Variants in ITPK1 observed in about 807,000 individuals in gnomAD.
ITPK1 encodes the protein inositol-tetrakisphosphate 1-kinase, also known as inositol 1,3,4-trisphosphate 5/6-kinase.
ITPK1 carries 21 observed loss-of-function variants against 45.3 expected under a neutral mutation model. That is an observed-to-expected ratio of 0.46 (90% CI 0.33 to 0.67). The LOEUF is 0.67. ITPK1 is among the 30% of genes least tolerant of loss of function. The pLI is 0.02. For missense variants in ITPK1, 474 were observed against 573.5 expected, an observed-to-expected ratio of 0.83 and a Z score of 1.77; for synonymous variants, 258 against 253.6, an observed-to-expected ratio of 1.02 and a Z score of -0.16.
At chr14:93,046,072 C>G (rs1889759878) in intron 3 of ITPK1, among the ~76,000 whole-genome samples, 1 of 152,340 alleles carries the variant, frequency 6.6e-6, no homozygotes, top group East Asian at 1.9e-4. Context: ...CCCATCCCCA[C>G]CCCACGCTCT....
At chr14:93,004,387 T>C (rs952920024) in intron 4 of ITPK1, among the ~76,000 whole-genome samples, 4 of 152,202 alleles carry the variant, frequency 2.6e-5, no homozygotes, top group African/African-American at 9.7e-5. Flanking sequence ...TTGGGAGAGT[T>C]GAGCTCCCCC....
At chr14:93,045,343 TC>T (rs1459937012) in intron 3 of ITPK1, among the ~76,000 whole-genome samples, 1 of 152,076 alleles carries the variant, frequency 6.6e-6, no homozygotes, top group African/African-American at 2.4e-5. Context: ...TTAATTCAAC[TC>T]CCCTGGTGAC....
chr14:93,107,938 T>A (rs1892589829), intron 2 of ITPK1, among the ~76,000 whole-genome samples: 1 of 152,186 alleles, frequency 6.6e-6, no homozygotes, highest in Admixed American at 6.5e-5. Flanking sequence ...GCCTGGCCAC[T>A]CTAATACACA....
Position 92,941,854 on chromosome 14 carries a change from T to C in ITPK1, c.952A>G (p.Thr318Ala), listed in dbSNP as rs1455517058. 1 of 1,612,462 alleles carries C rather than the reference T, an allele frequency of 6.2e-7. No homozygotes were observed. Among genetic ancestry groups the C allele is most frequent in the Admixed American group, 1.7e-5 (1 of 59,982 alleles). ...GCTGTGCTCTGGCCCTGCAGGACAGTGGCGATGTGGTTCAGGAGGTCTGTG... is the reference window on the plus strand; with the variant it reads ...GCTGTGCTCTGGCCCTGCAGGACAGCGGCGATGTGGTTCAGGAGGTCTGTG... ...FFTDLLNHIA[T>A]VLQGQSTAMA... The change falls in exon 11 of 11, where the codon ACT becomes GCT. Residue 318 changes from threonine to alanine, a missense_variant. Thr to Ala is a moderately conservative substitution (Grantham distance 58). This residue lies in a region of ITPK1 where 367 missense variants were observed against 480.6 expected (regional missense o/e 0.76). Transcript: ENST00000267615.
At chr14:92,973,831 TC>T (rs1017596486) in intron 5 of ITPK1, among the ~76,000 whole-genome samples, 1 of 152,022 alleles carries the variant, frequency 6.6e-6, no homozygotes, top group Non-Finnish European at 1.5e-5. Flanking sequence ...ACAGAGGTGG[TC>T]CCAATCTGAA....
intron 8 of ITPK1, among the ~76,000 whole-genome samples, chr14:92,955,366 T>C (rs75898957): frequency 1.3e-5 from 2 of 152,144 alleles, no homozygotes; most frequent in East Asian, 3.9e-4. Flanking sequence ...GAAACAAGGC[T>C]CAAGCTGGAG....
chr14:93,094,761 AG>A (rs1246281523), intron 2 of ITPK1, among the ~76,000 whole-genome samples: 1 of 152,176 alleles, frequency 6.6e-6, no homozygotes, highest in Non-Finnish European at 1.5e-5. Context: ...AGGGAGAGGC[AG>A]GGGTGTTCCT....
intron 9 of ITPK1, among the ~76,000 whole-genome samples, chr14:92,947,051 A>T (rs1184141124): frequency 6.6e-6 from 1 of 152,186 alleles, no homozygotes; most frequent in East Asian, 1.9e-4. Flanking sequence ...GGACATGGCT[A>T]GGAGCAGCTG....
intron 4 of ITPK1, among the ~76,000 whole-genome samples, chr14:92,996,734 A>T (rs1887076012): frequency 6.6e-6 from 1 of 152,146 alleles, no homozygotes; most frequent in South Asian, 2.1e-4. Flanking sequence ...GTCCTCGGTT[A>T]TGAGCTAAAG....
intron 3 of ITPK1, chr14:93,066,316 G>A (rs931720681): frequency 4.5e-6 from 2 of 447,926 alleles, no homozygotes; most frequent in African/African-American, 4.4e-5. Context: ...ATGTGTGTGT[G>A]TGTATGTGTG....
Position 93,086,033 on chromosome 14 carries a change from T to C in ITPK1, c.96-9414A>G, listed in dbSNP as rs1019107573. ...GCCAGCCTCAGGGCTAATGATTCAG[T>C]TGGTTCTCTTCACAGCAGCTTCTTA... On this transcript the variant is annotated intron_variant, in intron 2 of 10. Coordinates refer to ENST00000267615, the MANE Select transcript of ITPK1 (RefSeq NM_014216.6). 2.6e-5 allele frequency among the ~76,000 whole-genome samples: 4 copies of C among 151,962 alleles called. No individual in the cohort carries two copies. In the East Asian group the frequency reaches 7.7e-4, roughly 29 times the overall value.
chr14:92,987,330 A>C (rs1156621468), intron 5 of ITPK1, among the ~76,000 whole-genome samples: 1 of 152,068 alleles, frequency 6.6e-6, no homozygotes, highest in Admixed American at 6.5e-5. Context: ...GGCAGTGTGA[A>C]TGTGGGGGCG....
chr14:93,005,487 A>G (rs1023054104), intron 4 of ITPK1, among the ~76,000 whole-genome samples: 5 of 152,118 alleles, frequency 3.3e-5, no homozygotes, highest in African/African-American at 1.2e-4. Context: ...CACCCTTCCC[A>G]GGGCCTGGAG....
chr14:93,018,066 G>A (rs1888276097), intron 3 of ITPK1, among the ~76,000 whole-genome samples: 1 of 152,114 alleles, frequency 6.6e-6, no homozygotes, highest in African/African-American at 2.4e-5. Context: ...CCTGCTCTGT[G>A]CCCTAGGCAG....
chr14:92,953,391 G>A (rs184692963), intron 8 of ITPK1, among the ~76,000 whole-genome samples: 193 of 152,334 alleles, frequency 1.3e-3, no homozygotes, highest in African/African-American at 3.4e-3. Flanking sequence ...TAAACACCCC[G>A]CAGGACATGT....
intron 2 of ITPK1, among the ~76,000 whole-genome samples, chr14:93,081,247 T>C (rs183827677): frequency 7.9e-5 from 12 of 151,880 alleles, no homozygotes; most frequent in African/African-American, 1.2e-4. Context: ...GGCAGGAGAA[T>C]TGCTTTAACC....
At chr14:92,975,546 C>T (rs551537650) in intron 5 of ITPK1, among the ~76,000 whole-genome samples, 1 of 152,184 alleles carries the variant, frequency 6.6e-6, no homozygotes, top group Non-Finnish European at 1.5e-5. Flanking sequence ...ACAGGGTTCC[C>T]ACATATTTGG....
At chr14:93,053,161 A>T (rs1009787962) in intron 3 of ITPK1, among the ~76,000 whole-genome samples, 9 of 152,108 alleles carry the variant, frequency 5.9e-5, no homozygotes, top group Non-Finnish European at 7.4e-5. Flanking sequence ...ATAATAATAA[A>T]AAAAAACCAG....
chr14:93,031,538 C>T (rs1049631005), intron 3 of ITPK1, among the ~76,000 whole-genome samples: 1 of 152,212 alleles, frequency 6.6e-6, no homozygotes, highest in Non-Finnish European at 1.5e-5. Flanking sequence ...CAGCAGCGGG[C>T]CAGGGGTCAG....
Sources: gnomAD v4.1 joint callset for allele counts (sites outside exome capture counted in the v4.1 genomes callset) on GRCh38, gnomAD v4.1.1 for gene constraint, gnomAD v4.1.1 regional missense constraint, MANE v1.5 for transcripts, NCBI Gene and HGNC (gene_info 2026-07-23, HGNC 2026-07-21) for gene names.